The following ABCA6 variants were observed in gnomAD, a reference collection of about 807,000 sequenced individuals.
The protein encoded by ABCA6 is ATP-binding cassette sub-family A member 6.
In ABCA6, 164 loss-of-function variants were observed where a neutral mutation model predicts 191.2. The observed-to-expected ratio is 0.86, with a 90% CI of 0.76 to 0.98. The LOEUF (loss-of-function observed/expected upper bound fraction) is 0.98. ABCA6 is among the 50% of genes least tolerant of loss of function. The pLI is 0.00. For missense variants in ABCA6, 1,958 were observed against 1,894.1 expected (o/e 1.03, Z -0.63); for synonymous variants, 636 against 647.7 (o/e 0.98, Z 0.27).
chr17:69,102,731 T>A, intron 21 of ABCA6, 104 bp downstream of exon 21: 14 of 1,115,326 alleles, frequency 1.3e-5, no homozygotes, highest in Non-Finnish European at 1.8e-5. Context: ...CAGAATGTTT[T>A]TCTGAGTCAA....
At chr17:69,117,622 T>C (rs1251892028) in intron 11 of ABCA6, among the ~76,000 whole-genome samples, 1 of 152,010 alleles carries the variant, frequency 6.6e-6, no homozygotes, top group African/African-American at 2.4e-5. Flanking sequence ...TGACAATATA[T>C]AAAATATTGT....
chr17:69,085,686 C>T lies in ABCA6; in HGVS notation c.3968G>A (p.Gly1323Asp), dbSNP rs1237552960. 2 of 1,612,072 alleles carry T rather than the reference C, an allele frequency of 1.2e-6. No homozygotes were observed. Among genetic ancestry groups the T allele is most frequent in the East Asian group, 2.2e-5 (1 of 44,824 alleles). Residue 1323 changes from glycine (G) to aspartate (D), a missense_variant, in exon 31 of 39, where the codon GGT becomes GAT. Coordinates refer to ENST00000284425, the MANE Select transcript of ABCA6 (RefSeq NM_080284.3). ...TCTAATAGATGAACTTTTTCCAGCA[C>T]CATTGGGTCCTAGCAATCCCAAAAT... ...GEILGLLGPNGAGKSSSIRMI... is the reference protein window; with the variant it reads ...GEILGLLGPNDAGKSSSIRMI...
intron 10 of ABCA6, among the ~76,000 whole-genome samples, chr17:69,121,118 G>A (rs140691176): frequency 5.3e-4 from 80 of 152,184 alleles, no homozygotes; most frequent in Middle Eastern, 3.4e-3. Flanking sequence ...CAATGGCTTA[G>A]TGCCTTTTAT....
chr17:69,113,239 T>C lies in ABCA6; in HGVS notation c.2024A>G (p.Glu675Gly), dbSNP rs1282599262. The C allele has an allele frequency of 6.2e-6, 10 of 1,603,950 alleles. No individual in the cohort carries two copies. Among genetic ancestry groups the C allele is most frequent in the Admixed American group, 1.7e-5 (1 of 57,254 alleles). The change falls in exon 15 of 39, where the codon GAG (glutamate) becomes GGG (glycine). Residue 675 changes from glutamate to glycine, a missense_variant. Transcript: ENST00000284425. The stretch of plus-strand genomic sequence containing the variant: ...ACAATTACCAGCCAGGATGTCAGCC[T>C]CATCCATGGACTGGGTACTGAAAAG... ...VILFSTQSMD[E>G]ADILADRKVI... is the part of the protein sequence containing the mutation.
intron 10 of ABCA6, among the ~76,000 whole-genome samples, chr17:69,119,540 G>A (rs188330359): frequency 4.4e-4 from 67 of 152,018 alleles, no homozygotes; most frequent in Admixed American, 3.9e-3. Context: ...ACTCCTCAAC[G>A]TTCCTCATCA....
chr17:69,099,080 C>CTTT (rs1200022958), intron 22 of ABCA6, among the ~76,000 whole-genome samples: 1 of 151,616 alleles, frequency 6.6e-6, no homozygotes, highest in East Asian at 2.0e-4. Context: ...TGGATGTGTT[C>CTTT]TGAAGCACAG....
At position 69,135,733 on chromosome 17, in the gene ABCA6, C is replaced by G. The variant is rs1598066345; in HGVS notation, c.460+359G>C. 2.4e-5 allele frequency: 9 copies of G among 370,350 alleles called. No homozygotes were observed. In the East Asian group the frequency reaches 3.3e-4, roughly 13 times the overall value. The allele number at this position is 370,350 out of a possible 1,614,324, so 22.9% of individuals were successfully genotyped here. A position where few individuals can be genotyped will look rare whatever the true frequency, so the allele number is the denominator to read the frequency against. ...ACTTCTCTAATCCCACTATTAGGAA[C>G]CCCTGGTCTAAGTGCCCATGAAACA... On this transcript the variant is annotated intron_variant, in intron 4 of 38. Coordinates refer to ENST00000284425, the MANE Select transcript of ABCA6 (RefSeq NM_080284.3).
rs2073965074 is a variant in ABCA6 at position 69,137,314 on chromosome 17, G to A, written c.283C>T (p.Leu95Phe). Residue 95 changes from leucine to phenylalanine, a missense_variant, in exon 3 of 39, where the codon CTT (leucine) becomes TTT (phenylalanine). Coordinates refer to ENST00000284425, the MANE Select transcript of ABCA6 (RefSeq NM_080284.3). ...CACCTACCTTTCAAAAGAGGAGCAA[G>A]TGCTGTTTTATTCATTATCTGCTGG... ...LTQQIMNKTALAPLLKGTSVI... is the reference protein window; with the variant it reads ...LTQQIMNKTAFAPLLKGTSVI... 1.2e-6 allele frequency: 2 copies of A among 1,612,666 alleles called. No homozygotes were observed. Among genetic ancestry groups the A allele is most frequent in the African/African-American group, 2.7e-5 (2 of 74,980 alleles).
At chr17:69,124,458 T>C (rs1405279748) in intron 9 of ABCA6, among the ~76,000 whole-genome samples, 1 of 151,974 alleles carries the variant, frequency 6.6e-6, no homozygotes, top group East Asian at 1.9e-4. Flanking sequence ...TATAAAACAT[T>C]TTGAGAATGA....
At chr17:69,101,977 A>G (rs2073191538) in intron 21 of ABCA6, among the ~76,000 whole-genome samples, 1 of 152,220 alleles carries the variant, frequency 6.6e-6, no homozygotes, top group East Asian at 1.9e-4. Flanking sequence ...GCATGAAATA[A>G]AGAGGGAGCT....
rs774231224 is a variant in ABCA6 at position 69,105,487 on chromosome 17, G to C, written c.2715C>G (p.Thr905=). 38 of 1,608,318 alleles carry C rather than the reference G, an allele frequency of 2.4e-5. No individual in the cohort carries two copies. The highest frequency in any genetic ancestry group is 2.0e-4 in the Middle Eastern group (1 of 5,002). The change falls in exon 20 of 39, where the codon ACC becomes ACG. Residue 905 remains threonine, a synonymous_variant. Transcript: ENST00000284425. Reference sequence around the variant, plus strand: ...CTGTGTTATTGATGATCAACAGGCTGGTACGGGGTTCCTGGGGAAGTTGTC... The same window carrying C: ...CTGTGTTATTGATGATCAACAGGCTCGTACGGGGTTCCTGGGGAAGTTGTC... The part of the protein sequence containing the change: ...SPGQLPQEPR[T]SLLIINNTES...
intron 25 of ABCA6, among the ~76,000 whole-genome samples, chr17:69,092,529 C>T (rs994355611): frequency 1.3e-5 from 2 of 152,142 alleles, no homozygotes; most frequent in Admixed American, 6.5e-5. Context: ...TCCAGAACTC[C>T]GTGTGCTAAG....
At chr17:69,129,335 A>G (rs2073817541) in intron 7 of ABCA6, among the ~76,000 whole-genome samples, 1 of 152,188 alleles carries the variant, frequency 6.6e-6, no homozygotes, top group Non-Finnish European at 1.5e-5. Flanking sequence ...ATTATACAGA[A>G]AAGACTTTGA....
chr17:69,112,634 T>C (rs946587283), intron 15 of ABCA6: 16 of 192,658 alleles, frequency 8.3e-5, no homozygotes, highest in Non-Finnish European at 1.5e-4. Flanking sequence ...TGTGGAGTAA[T>C]AGACACTGAA....
intron 21 of ABCA6, among the ~76,000 whole-genome samples, chr17:69,102,220 C>T (rs564809079): frequency 2.6e-4 from 40 of 152,244 alleles, no homozygotes; most frequent in African/African-American, 9.4e-4. Flanking sequence ...GTGGTGCCTG[C>T]TTGTAATTCC....
chr17:69,135,996 A>G, intron 4 of ABCA6, 96 bp downstream of exon 4: 1 of 1,162,324 alleles, frequency 8.6e-7, no homozygotes, highest in East Asian at 2.5e-5. Context: ...CTGTTTTCTC[A>G]TGTGTCATTG....
intron 28 of ABCA6, 166 bp from the exon 29 acceptor site, chr17:69,087,639 C>T: frequency 2.4e-6 from 2 of 840,608 alleles, no homozygotes; most frequent in Non-Finnish European, 3.7e-6. Context: ...ACTCCTGTCC[C>T]ACTAGCCAGA....
chr17:69,116,342 G>A (rs888627287), intron 11 of ABCA6, among the ~76,000 whole-genome samples: 7 of 151,982 alleles, frequency 4.6e-5, no homozygotes, highest in African/African-American at 1.5e-4. Context: ...ATAGTTTCCC[G>A]CACACACCAA....
intron 10 of ABCA6, among the ~76,000 whole-genome samples, chr17:69,121,581 G>T (rs1327457569): frequency 1.3e-5 from 2 of 152,014 alleles, no homozygotes; most frequent in East Asian, 3.9e-4. Flanking sequence ...GCTAGGTTTG[G>T]AGGCACAGTG....
Sources: gnomAD v4.1 joint callset for allele counts (sites outside exome capture counted in the v4.1 genomes callset) on GRCh38, gnomAD v4.1.1 for gene constraint, MANE v1.5 for transcripts, NCBI Gene and HGNC (gene_info 2026-07-23, HGNC 2026-07-21) for gene names.